The following PDCD10 variants were observed in gnomAD, a reference collection of about 807,000 sequenced individuals.
The protein encoded by PDCD10 is programmed cell death 10.
In PDCD10, 4 loss-of-function variants were observed where a neutral mutation model predicts 29.2. The observed-to-expected ratio is 0.14, with a 90% CI of 0.07 to 0.31. The LOEUF (loss-of-function observed/expected upper bound fraction) is 0.31. Among genes scored for constraint, PDCD10 ranks in the 10% least tolerant of loss-of-function variants. PDCD10 has a pLI of 1.00. For synonymous variants in PDCD10, 70 were observed against 82.2 expected (o/e 0.85, Z 0.80); for missense variants, 183 against 257.9 (o/e 0.71, Z 1.99).
intron 4 of PDCD10, chr3:167,697,901 A>G (rs1188391010): frequency 2.2e-6 from 1 of 456,412 alleles, no homozygotes; most frequent in Middle Eastern, 3.3e-4. Flanking sequence ...AAATTCTGTA[A>G]TCACACTTGA....
chr3:167,706,905 C>T (rs977155162), intron 3 of PDCD10, among the ~76,000 whole-genome samples: 3 of 152,182 alleles, frequency 2.0e-5, no homozygotes, highest in African/African-American at 7.2e-5. Flanking sequence ...ATCTTCTTCT[C>T]CATTTTACAA....
chr3:167,714,436 T>C (rs1001949291), intron 3 of PDCD10, among the ~76,000 whole-genome samples: 1 of 152,028 alleles, frequency 6.6e-6, no homozygotes, highest in African/African-American at 2.4e-5. Context: ...CTGGAAGTCC[T>C]AGCTAGAGCA....
At chr3:167,722,218 C>A (rs1401674411) in intron 2 of PDCD10, among the ~76,000 whole-genome samples, 1 of 151,978 alleles carries the variant, frequency 6.6e-6, no homozygotes, top group East Asian at 1.9e-4. Flanking sequence ...CAAGAACAGA[C>A]CTTGAAGAGC....
chr3:167,688,758 T>C (rs567403031), intron 6 of PDCD10, among the ~76,000 whole-genome samples: 108 of 152,270 alleles, frequency 7.1e-4, no homozygotes, highest in Non-Finnish European at 1.4e-3. Flanking sequence ...ATCTGCACCA[T>C]CCTAAACATA....
At chr3:167,702,002 T>C (rs897044691) in intron 4 of PDCD10, among the ~76,000 whole-genome samples, 2 of 152,102 alleles carry the variant, frequency 1.3e-5, no homozygotes, top group Non-Finnish European at 2.9e-5. Flanking sequence ...AGAAAACAAA[T>C]GGACATTAGA....
At chr3:167,686,804 C>T (rs1317088671) in intron 8 of PDCD10, among the ~76,000 whole-genome samples, 1 of 152,176 alleles carries the variant, frequency 6.6e-6, no homozygotes, top group Non-Finnish European at 1.5e-5. Flanking sequence ...ATTGCTTTTA[C>T]ATTTTTAAAT....
intron 2 of PDCD10, among the ~76,000 whole-genome samples, chr3:167,728,395 G>A (rs1724441650): frequency 6.6e-6 from 1 of 152,134 alleles, no homozygotes; most frequent in African/African-American, 2.4e-5. Flanking sequence ...ATAAGTCTGA[G>A]GAGGCAGCCG....
At chr3:167,700,475 T>TCA (rs1721284506) in intron 4 of PDCD10, among the ~76,000 whole-genome samples, 1 of 144,860 alleles carries the variant, frequency 6.9e-6, no homozygotes, top group Admixed American at 6.8e-5. Context: ...AGTCTAAGAC[T>TCA]CACTGTAAGA....
In PDCD10 at chr3:167,684,300, T is replaced by C. The variant is rs1719338694; in HGVS notation, c.*8A>G. ...ACTGAGAAGTACATCTCTTAACATA[T>C]ACAACTTTCAGGCCACAGTTTTGAA... On this transcript the variant is annotated 3_prime_UTR_variant, in exon 9 of 9. Transcript: ENST00000392750. 6.6e-7 allele frequency: 1 copy of C among 1,514,852 alleles called. No individual in the cohort carries two copies. Among genetic ancestry groups the C allele is most frequent in the Non-Finnish European group, 9.2e-7 (1 of 1,089,746 alleles). 93.8% of individuals were successfully genotyped at this position (1,514,852 alleles called of 1,614,324 possible). A position where few individuals can be genotyped will look rare whatever the true frequency, so the allele number is the denominator to read the frequency against.
At chr3:167,697,629 TATA>T (rs1440901641) in intron 4 of PDCD10, among the ~76,000 whole-genome samples, 2 of 152,204 alleles carry the variant, frequency 1.3e-5, no homozygotes, top group East Asian at 1.9e-4. Flanking sequence ...ACTGAACCTA[TATA>T]ATAATACCTT....
chr3:167,719,968 A>G (rs997689659), intron 3 of PDCD10, 94 bp downstream of exon 3: 2 of 894,854 alleles, frequency 2.2e-6, no homozygotes, highest in Non-Finnish European at 3.8e-6. Flanking sequence ...CATTCATGCT[A>G]GTATTTGTTA....
At chr3:167,691,678 AC>A (rs1388631047) in intron 6 of PDCD10, among the ~76,000 whole-genome samples, 1 of 152,132 alleles carries the variant, frequency 6.6e-6, no homozygotes, top group Non-Finnish European at 1.5e-5. Context: ...TATCTCTCTC[AC>A]GTACTGGCAT....
chr3:167,728,284 G>C (rs1724427693), intron 2 of PDCD10, among the ~76,000 whole-genome samples: 1 of 151,388 alleles, frequency 6.6e-6, no homozygotes, highest in Admixed American at 6.6e-5. Flanking sequence ...ATGAAAAAAA[G>C]CCTAGCAACA....
intron 3 of PDCD10, among the ~76,000 whole-genome samples, chr3:167,719,613 G>A (rs1046014962): frequency 1.3e-5 from 2 of 151,956 alleles, no homozygotes; most frequent in Admixed American, 6.6e-5. Context: ...TAAGATCTTT[G>A]TGCCTGCTAT....
At chr3:167,704,318 C>T (rs548148888) in intron 4 of PDCD10, among the ~76,000 whole-genome samples, 1 of 152,252 alleles carries the variant, frequency 6.6e-6, no homozygotes, top group South Asian at 2.1e-4. Context: ...ACCTCAAACT[C>T]CTGGGCTCTA....
At chr3:167,698,105 A>G (rs531586080) in intron 4 of PDCD10, 109 of 393,174 alleles carry the variant, frequency 2.8e-4, no homozygotes, top group South Asian at 1.7e-3. Context: ...CACTGCAGAT[A>G]CAGTTTTCTT....
At chr3:167,711,391 G>A (rs1321594348) in intron 3 of PDCD10, among the ~76,000 whole-genome samples, 1 of 152,126 alleles carries the variant, frequency 6.6e-6, no homozygotes, top group African/African-American at 2.4e-5. Flanking sequence ...GCATACTGAA[G>A]AATGCATCAA....
intron 2 of PDCD10, among the ~76,000 whole-genome samples, chr3:167,724,060 G>A (rs1201777177): frequency 2.0e-5 from 3 of 152,056 alleles, no homozygotes; most frequent in East Asian, 1.9e-4. Context: ...TAACCAACTC[G>A]AGTCTGCTCA....
chr3:167,702,735 G>C (rs2108431654), intron 4 of PDCD10, among the ~76,000 whole-genome samples: 1 of 152,258 alleles, frequency 6.6e-6, no homozygotes, highest in East Asian at 1.9e-4. Flanking sequence ...AAGATTTTAT[G>C]ACTGGTGAGG....
Sources: gnomAD v4.1 joint callset for allele counts (sites outside exome capture counted in the v4.1 genomes callset) on GRCh38, gnomAD v4.1.1 for gene constraint, MANE v1.5 for transcripts, NCBI Gene and HGNC (gene_info 2026-07-23, HGNC 2026-07-21) for gene names.